The following STK36 variants were observed in gnomAD, a reference collection of about 807,000 sequenced individuals.
STK36 encodes serine/threonine kinase 36, also known as serine/threonine-protein kinase 36.
A neutral mutation model predicts 142.2 loss-of-function variants in STK36; 116 were observed. The ratio of observed to expected loss-of-function variants is 0.82; its 90% CI spans 0.70 to 0.95. The LOEUF (loss-of-function observed/expected upper bound fraction) is 0.95. STK36 is among the 40% of genes least tolerant of loss of function. The pLI, the probability that STK36 is intolerant of heterozygous loss-of-function variation, is 0.00. For synonymous variants in STK36, 619 were observed against 641.7 expected (o/e 0.96, Z 0.53); for missense variants, 1,422 against 1,617.2 (o/e 0.88, Z 2.07).
In STK36 at chr2:218,690,434, C is replaced by T. The variant is rs757097449; in HGVS notation, c.1659-16C>T. 19 of 1,610,534 alleles carry T rather than the reference C, an allele frequency of 1.2e-5. No individual in the cohort carries two copies. The highest frequency in any genetic ancestry group is 1.6e-4 in the Middle Eastern group (1 of 6,080). On this transcript the variant is annotated splice_polypyrimidine_tract_variant and intron_variant, in intron 13 of 26. Coordinates refer to ENST00000295709, the MANE Select transcript of STK36 (RefSeq NM_015690.5). ...GTAGAGAGATAAGAAATCATGGGCT[C>T]ATTTTCCACCCCCAGCCTGCAGGTG...
rs749359535 is a variant in STK36 at position 218,698,718 on chromosome 2, C to T, written c.3174C>T (p.Ser1058=). The change falls in exon 26 of 27, where the codon TCC becomes TCT. Residue 1058 remains serine, a synonymous_variant. Transcript: ENST00000295709. ...LNQFVNTVSA[S]PRTIVSFLSV... ...AGTTTGTGAACACAGTGTCTGCCTCCCCTAGAACCATCGTCTCGTTTCTCT... is the reference window on the plus strand; with the variant it reads ...AGTTTGTGAACACAGTGTCTGCCTCTCCTAGAACCATCGTCTCGTTTCTCT... 3 of 1,614,204 alleles carry T rather than the reference C, an allele frequency of 1.9e-6. 1 individual carries two copies. Among genetic ancestry groups the T allele is most frequent in the South Asian group, 2.2e-5 (2 of 91,086 alleles).
rs369351984 is a variant in STK36, at chr2:218,676,037, G to C, written c.443G>C (p.Arg148Pro). The C allele has an allele frequency of 1.2e-6, 2 of 1,613,628 alleles. No homozygotes were observed. Residue 148 changes from arginine to proline, a missense_variant, in exon 6 of 27, where the codon CGG becomes CCG. Coordinates refer to ENST00000295709, the MANE Select transcript of STK36 (RefSeq NM_015690.5). ...GIKLCDFGFA[R>P]AMSTNTMVLT... ...CCCATTATCTTCTGCAGATTTGCCC[G>C]GGCTATGAGCACCAATACAATGGTG...
Position 218,699,029 on chromosome 2 carries a change from G to C in STK36, c.3485G>C (p.Gly1162Ala), listed in dbSNP as rs1156575096. ...GLLSLLLLGL[G>A]DKDPVVRCSA... ...CTCAGCCTTCTGCTGCTTGGGCTTG[G>C]AGACAAGGATCCTGTTGTGCGGTGC... is the stretch of plus-strand genomic sequence containing the variant. Residue 1162 changes from glycine (G) to alanine (A), a missense_variant, in exon 26 of 27, where the codon GGA (glycine) becomes GCA (alanine). By Grantham distance (60) the Gly-to-Ala change is moderately conservative. Coordinates refer to ENST00000295709, the MANE Select transcript of STK36 (RefSeq NM_015690.5). 2 of 1,614,142 alleles carry C rather than the reference G, an allele frequency of 1.2e-6. No individual in the cohort carries two copies. Among genetic ancestry groups the C allele is most frequent in the South Asian group, 2.2e-5 (2 of 91,076 alleles).
chr2:218,688,263 A>G (rs1427751519), intron 11 of STK36: 10 of 429,378 alleles, frequency 2.3e-5, no homozygotes. Context: ...TGTGAGCCAT[A>G]GTTTGTCAAC....
At chr2:218,699,996 T>C (rs1300466027) in intron 26 of STK36, among the ~76,000 whole-genome samples, 1 of 151,730 alleles carries the variant, frequency 6.6e-6, no homozygotes, top group Non-Finnish European at 1.5e-5. Flanking sequence ...TGATCTCGGC[T>C]CACCACAACT....
chr2:218,697,061 G>A lies in STK36; in HGVS notation c.2609G>A (p.Arg870Lys). 1.2e-6 allele frequency: 2 copies of A among 1,614,128 alleles called. No individual in the cohort carries two copies. Among genetic ancestry groups the A allele is most frequent in the Non-Finnish European group, 1.7e-6 (2 of 1,179,994 alleles). ...LTEQGKASLI[R>K]DMSSSEMWTV... ...TAGCAGGGGAAGGCTAGCCTAATCA[G>A]GGATATGTCCAGTTCAGAAATGTGG... Residue 870 changes from arginine to lysine, a missense_variant, in exon 23 of 27, where the codon AGG becomes AAG. By Grantham distance (26) the Arg-to-Lys change is conservative (BLOSUM62 2). Coordinates refer to ENST00000295709, the MANE Select transcript of STK36 (RefSeq NM_015690.5).
Position 218,694,654 on chromosome 2 carries a change from G to T in STK36, c.2511+19G>T, listed in dbSNP as rs150863582. The T allele has an allele frequency of 6.2e-7, 1 of 1,605,526 alleles. No homozygotes were observed. Among genetic ancestry groups the T allele is most frequent in the African/African-American group, 1.3e-5 (1 of 74,766 alleles). Reference sequence around the variant, plus strand: ...TGCAGAGGTGAGGCCCCCCAGGGAGGGCACAGACATGTTTTCTCTGAGTCA... The same window carrying T: ...TGCAGAGGTGAGGCCCCCCAGGGAGTGCACAGACATGTTTTCTCTGAGTCA... On this transcript the variant is annotated intron_variant, in intron 21 of 26. Transcript: ENST00000295709. This position sits in a 1 kb window ranked among gnomAD's most constrained non-coding sequence, Gnocchi z 4.4.
At position 218,673,935 on chromosome 2, in the gene STK36, C is replaced by G; in HGVS notation, c.282C>G (p.Asp94Glu). ...EGELFQILED[D>E]GKLPEDQVQA... ...AGCTCTTTCAGATCCTAGAAGATGA[C>G]GGAAAACTTCCTGAAGACCAGGTAT... Residue 94 changes from aspartate (D) to glutamate (E), a missense_variant, in exon 4 of 27, where the codon GAC (aspartate) becomes GAG (glutamate). This residue lies in a region of STK36 where 460 missense variants were observed against 449.6 expected (regional missense o/e 1.02). Coordinates refer to ENST00000295709, the MANE Select transcript of STK36 (RefSeq NM_015690.5). The G allele has an allele frequency of 6.2e-7, 1 of 1,614,016 alleles. No individual in the cohort carries two copies.
chr2:218,702,132 T>A lies in STK36; in HGVS notation c.*123T>A. On this transcript the variant is annotated 3_prime_UTR_variant, in exon 27 of 27. Transcript: ENST00000295709. ...AAAAGAGATAAGCTGCCAACTCAAC[T>A]GAGAACAAGAAACTAGAAGAGATTT... 8.2e-7 allele frequency: 1 copy of A among 1,225,274 alleles called. No homozygotes were observed. The allele number at this position is 1,225,274 out of a possible 1,614,324, so 75.9% of individuals were successfully genotyped here.
intron 6 of STK36, among the ~76,000 whole-genome samples, chr2:218,676,498 A>G (rs927362597): frequency 6.6e-6 from 1 of 152,184 alleles, no homozygotes; most frequent in East Asian, 1.9e-4. Flanking sequence ...CATAGCCTGT[A>G]CAGGAAGGAT....
intron 1 of STK36, 71 bp downstream of exon 1, chr2:218,672,286 G>A (rs559645582): frequency 6.3e-6 from 3 of 472,548 alleles, no homozygotes; most frequent in Non-Finnish European, 1.2e-5. Flanking sequence ...GGCAACGTAT[G>A]CAGGCAGCCA....
chr2:218,699,934 T>A (rs1307060363), intron 26 of STK36, among the ~76,000 whole-genome samples: 1 of 152,144 alleles, frequency 6.6e-6, no homozygotes, highest in Non-Finnish European at 1.5e-5. Context: ...TTCCTTTTTT[T>A]TTTTTCTGAG....
At position 218,678,725 on chromosome 2, in the gene STK36, G is replaced by A. The variant is rs1229837294; in HGVS notation, c.685-443G>A. The stretch of plus-strand genomic sequence containing the variant: ...CACACCTTCATGCAATTACTTGTGC[G>A]TGTGAATTACTTGTAACCAAAAATG... On this transcript the variant is annotated intron_variant, in intron 6 of 26. Coordinates refer to ENST00000295709, the MANE Select transcript of STK36 (RefSeq NM_015690.5). Among the ~76,000 whole-genome samples, 4 of 152,120 alleles carry A rather than the reference G, an allele frequency of 2.6e-5. No homozygotes were observed. The East Asian group carries it at 5.8e-4, about 22-fold the overall frequency.
chr2:218,698,959 C>A lies in STK36; in HGVS notation c.3415C>A (p.His1139Asn). 6.2e-7 allele frequency: 1 copy of A among 1,614,160 alleles called. No individual in the cohort carries two copies. The highest frequency in any genetic ancestry group is 1.3e-5 in the African/African-American group (1 of 75,070). The change falls in exon 26 of 27, where the codon CAC becomes AAC. Residue 1139 changes from histidine (H) to asparagine (N), a missense_variant. Coordinates refer to ENST00000295709, the MANE Select transcript of STK36 (RefSeq NM_015690.5). ...TAGGCTCCTGGGACACTTGCTCCAACACAGCATGGCCCTGCGTGGGGCACT... is the reference window on the plus strand; with the variant it reads ...TAGGCTCCTGGGACACTTGCTCCAAAACAGCATGGCCCTGCGTGGGGCACT... ...TYRLLGHLLQ[H>N]SMALRGALQS...
In STK36 at chr2:218,672,501, G is replaced by A. The variant is rs2241527; in HGVS notation, c.-89-240G>A. ...GGTTGGGCGAGGCTAGGTTGAAAGA[G>A]TAGGGTCGAGTGAGCCAGGCTGGGT... On this transcript the variant is annotated intron_variant, in intron 1 of 26. Transcript: ENST00000295709. The A allele has an allele frequency of 0.31, 105,548 of 343,894 alleles. 18,901 individuals carry two copies. Among genetic ancestry groups the A allele is most frequent in the Non-Finnish European group, 0.38 (68,527 of 180,486 alleles). 21.3% of individuals were successfully genotyped at this position (343,894 alleles called of 1,614,324 possible).
At position 218,685,179 on chromosome 2, in the gene STK36, C is replaced by G; in HGVS notation, c.1331C>G (p.Pro444Arg). Reference protein sequence around the residue: ...LKAPLTLLCNPDFCQRIQSQL... With the variant: ...LKAPLTLLCNRDFCQRIQSQL... Reference sequence around the variant, plus strand: ...GCTCCTCTCACCTTGCTGTGTAATCCTGACTTCTGCCAGCGCATCCAGAGT... The same window carrying G: ...GCTCCTCTCACCTTGCTGTGTAATCGTGACTTCTGCCAGCGCATCCAGAGT... The change falls in exon 11 of 27, where the codon CCT (proline) becomes CGT (arginine). Residue 444 changes from proline (P) to arginine (R), a missense_variant. Pro to Arg is a moderately radical substitution (Grantham distance 103). Transcript: ENST00000295709. 6.2e-7 allele frequency: 1 copy of G among 1,614,182 alleles called. No homozygotes were observed. Among genetic ancestry groups the G allele is most frequent in the South Asian group, 1.1e-5 (1 of 91,088 alleles).
rs777665185 is a variant in STK36, at chr2:218,673,701, T to C, written c.161T>C (p.Ile54Thr). 8 of 1,614,058 alleles carry C rather than the reference T, an allele frequency of 5.0e-6. No individual in the cohort carries two copies. Among genetic ancestry groups the C allele is most frequent in the Non-Finnish European group, 6.8e-6 (8 of 1,180,042 alleles). Residue 54 changes from isoleucine to threonine, a missense_variant, in exon 3 of 27, where the codon ATA becomes ACA. Ile to Thr is a moderately conservative substitution (Grantham distance 89). This residue lies in a region of STK36 where 460 missense variants were observed against 449.6 expected (regional missense o/e 1.02). Coordinates refer to ENST00000295709, the MANE Select transcript of STK36 (RefSeq NM_015690.5). ...AGGAATTTGCAACGAGAGATTGAAA[T>C]AATGCGGGGTCTGCGGCATCCCAAC... The part of the protein sequence containing the change: ...ELRNLQREIE[I>T]MRGLRHPNIV...
Position 218,693,805 on chromosome 2 carries a change from T to C in STK36, c.2231T>C (p.Met744Thr), listed in dbSNP as rs548093796. Residue 744 changes from methionine (M) to threonine (T), a missense_variant, in exon 18 of 27, where the codon ATG (methionine) becomes ACG (threonine). Coordinates refer to ENST00000295709, the MANE Select transcript of STK36 (RefSeq NM_015690.5). ...QEPLALESLF[M>T]LIQGKVKVVD... ...CCCCTGGCCTTGGAATCCCTGTTTATGTTGATTCAGGGCAAGGTAAGCCAG... is the reference window on the plus strand; with the variant it reads ...CCCCTGGCCTTGGAATCCCTGTTTACGTTGATTCAGGGCAAGGTAAGCCAG... The C allele has an allele frequency of 4.0e-5, 65 of 1,614,180 alleles. No individual in the cohort carries two copies. Among genetic ancestry groups the C allele is most frequent in the Non-Finnish European group, 5.5e-5 (65 of 1,180,044 alleles).
At chr2:218,692,007 G>T in intron 14 of STK36, 136 bp from the exon 15 acceptor site, 1 of 1,082,826 alleles carries the variant, frequency 9.2e-7, no homozygotes, top group Non-Finnish European at 1.3e-6. Flanking sequence ...TTTTTGGTGT[G>T]AAGAATGCTT....
Sources: allele counts gnomAD v4.1 joint callset (sites outside exome capture counted in the v4.1 genomes callset), GRCh38; gene constraint gnomAD v4.1.1; regional missense constraint gnomAD v4.1.1; non-coding constraint Gnocchi (gnomAD v3.1); transcripts MANE v1.5; gene names NCBI Gene and HGNC (gene_info 2026-07-23, HGNC 2026-07-21).